MGAT4C: variants seen among roughly 807,000 people sequenced by gnomAD.
MGAT4C encodes the protein MGAT4 family member C.
In MGAT4C, 19 loss-of-function variants were observed where a neutral mutation model predicts 40.1. The observed-to-expected ratio is 0.47, with a 90% CI of 0.33 to 0.70. The LOEUF (loss-of-function observed/expected upper bound fraction) is 0.70, where lower values mean the gene tolerates loss of function less well. Among genes scored for constraint, MGAT4C ranks in the 30% least tolerant of loss-of-function variants. The pLI, the probability that MGAT4C is intolerant of heterozygous loss-of-function variation, is 0.02. For missense variants in MGAT4C, 491 were observed against 563.2 expected (o/e 0.87, Z 1.30); for synonymous variants, 181 against 187.1 (o/e 0.97, Z 0.27).
chr12:86,694,677 T>C (rs1204969296), intron 2 of MGAT4C, among the ~76,000 whole-genome samples: 2 of 152,166 alleles, frequency 1.3e-5, no homozygotes, highest in Non-Finnish European at 2.9e-5. Context: ...TCAAGGTTAT[T>C]TATACATCAG....
rs184478561 is a variant in MGAT4C, at chr12:85,960,514, A to G, written c.*18775T>C. On this transcript the variant is annotated 3_prime_UTR_variant, in exon 5 of 5. Coordinates refer to ENST00000611864, the MANE Select transcript of MGAT4C (RefSeq NM_001351288.2). The stretch of plus-strand genomic sequence containing the variant: ...TTAGCATGTGACATGCTCTCAGCAA[A>G]TCAATTAATCCTTCATTCTTTTTTT... 1 of 152,170 alleles carries G rather than the reference A, an allele frequency of 6.6e-6. No homozygotes were observed. Among genetic ancestry groups the G allele is most frequent in the African/African-American group, 2.4e-5 (1 of 41,574 alleles). The allele number at this position is 152,170 out of a possible 1,614,324, so 9.4% of individuals were successfully genotyped here. A position where few individuals can be genotyped will look rare whatever the true frequency, so the allele number is the denominator to read the frequency against.
At chr12:86,794,811 T>C (rs954280114) in intron 1 of MGAT4C, among the ~76,000 whole-genome samples, 2 of 151,852 alleles carry the variant, frequency 1.3e-5, no homozygotes, top group Non-Finnish European at 2.9e-5. Flanking sequence ...ATATGACTTA[T>C]TGATATAATA....
chr12:86,435,334 A>G (rs1298271350), intron 2 of MGAT4C: 1 of 151,934 alleles, frequency 6.6e-6, no homozygotes, highest in Non-Finnish European at 1.5e-5. Context: ...TGGCACTTGC[A>G]TGTTGAATCT....
At chr12:86,363,868 A>G (rs760935041) in intron 3 of MGAT4C, among the ~76,000 whole-genome samples, 18 of 152,042 alleles carry the variant, frequency 1.2e-4, no homozygotes, top group Non-Finnish European at 2.2e-4. Flanking sequence ...AAGAAGAAAT[A>G]TTAGGGACAA....
intron 2 of MGAT4C, among the ~76,000 whole-genome samples, chr12:86,711,556 T>C (rs555748540): frequency 7.9e-5 from 12 of 152,308 alleles, no homozygotes; most frequent in Admixed American, 7.9e-4. Context: ...GGTTTTTGGT[T>C]CTTATATTGT....
chr12:86,549,064 G>A (rs1430392012), intron 2 of MGAT4C, among the ~76,000 whole-genome samples: 1 of 152,020 alleles, frequency 6.6e-6, no homozygotes, highest in Non-Finnish European at 1.5e-5. Context: ...TTACAATATG[G>A]AAAATCCTTA....
chr12:86,819,876 C>G, intron 1 of MGAT4C, among the ~76,000 whole-genome samples: 1 of 128,702 alleles, frequency 7.8e-6, no homozygotes, highest in Non-Finnish European at 1.8e-5. Context: ...GAGGGTAATG[C>G]TTAATAAGAA....
chr12:86,311,480 A>ATT (rs11411452), intron 4 of MGAT4C, among the ~76,000 whole-genome samples: 2 of 151,762 alleles, frequency 1.3e-5, no homozygotes, highest in African/African-American at 4.8e-5. Flanking sequence ...GTCTAAACTA[A>ATT]TTTTTTTAAT....
At chr12:86,673,497 ATAAT>A (rs1220158653) in intron 2 of MGAT4C, among the ~76,000 whole-genome samples, 63 of 152,150 alleles carry the variant, frequency 4.1e-4, no homozygotes, top group African/African-American at 1.4e-3. Context: ...ACACAACCAC[ATAAT>A]TAAAGATATA....
intron 1 of MGAT4C, among the ~76,000 whole-genome samples, chr12:86,761,382 T>C (rs1388683514): frequency 2.0e-5 from 3 of 152,212 alleles, no homozygotes; most frequent in Admixed American, 6.5e-5. Context: ...AAAGACATTG[T>C]ATTTTTTCCT....
chr12:86,780,109 T>C (rs1195283598), intron 1 of MGAT4C, among the ~76,000 whole-genome samples: 1 of 152,060 alleles, frequency 6.6e-6, no homozygotes, highest in Non-Finnish European at 1.5e-5. Flanking sequence ...AAAGAACGTT[T>C]ATAATCACAT....
chr12:86,067,063 T>C (rs927772271), intron 1 of MGAT4C, among the ~76,000 whole-genome samples: 1 of 152,166 alleles, frequency 6.6e-6, no homozygotes, highest in Non-Finnish European at 1.5e-5. Context: ...AAACAATAGA[T>C]GCTGGAGAGG....
intron 2 of MGAT4C, among the ~76,000 whole-genome samples, chr12:85,999,105 C>A (rs139836139): frequency 6.6e-6 from 1 of 152,088 alleles, no homozygotes; most frequent in African/African-American, 2.4e-5. Context: ...GCAAAGAGAG[C>A]TTGTGCAGAG....
intron 1 of MGAT4C, among the ~76,000 whole-genome samples, chr12:86,837,045 A>T (rs1953051594): frequency 2.6e-5 from 4 of 152,042 alleles, no homozygotes; most frequent in Non-Finnish European, 5.9e-5. Flanking sequence ...GACATTCAGG[A>T]GTGTATGTAG....
At position 86,489,579 on chromosome 12, in the gene MGAT4C, G is replaced by C. The variant is rs151166193; in HGVS notation, c.-228-54314C>G. Among the ~76,000 whole-genome samples, 22 of 152,326 alleles carry C rather than the reference G, an allele frequency of 1.4e-4. 1 individual carries two copies. Among genetic ancestry groups the C allele is most frequent in the South Asian group, 8.3e-4 (4 of 4,828 alleles). Reference sequence around the variant, plus strand: ...ATTGTAACATGCCCTCTGGGGCATTGGGATCACAGGCACCCTGACCTGGAT... The same window carrying C: ...ATTGTAACATGCCCTCTGGGGCATTCGGATCACAGGCACCCTGACCTGGAT... On this transcript the variant is annotated intron_variant, in intron 2 of 7. Transcript: ENST00000548651.
intron 1 of MGAT4C, among the ~76,000 whole-genome samples, chr12:86,051,436 A>G (rs1892880700): frequency 6.6e-6 from 1 of 151,964 alleles, no homozygotes; most frequent in African/African-American, 2.4e-5. Flanking sequence ...TTAGTGATTT[A>G]TGAAGTTTAT....
chr12:86,628,645 T>C (rs961045250), intron 2 of MGAT4C, among the ~76,000 whole-genome samples: 2 of 152,054 alleles, frequency 1.3e-5, no homozygotes, highest in African/African-American at 2.4e-5. Flanking sequence ...ACACCCAAAC[T>C]AAGCTTCATA....
At chr12:86,297,806 A>G (rs1953716524) in intron 4 of MGAT4C, among the ~76,000 whole-genome samples, 1 of 152,202 alleles carries the variant, frequency 6.6e-6, no homozygotes, top group African/African-American at 2.4e-5. Flanking sequence ...CACACTATAA[A>G]GCCACATTAA....
intron 1 of MGAT4C, among the ~76,000 whole-genome samples, chr12:86,241,069 CA>C (rs913070541): frequency 1.3e-5 from 2 of 151,662 alleles, no homozygotes; most frequent in African/African-American, 2.4e-5. Flanking sequence ...GCATTCCAGG[CA>C]AAAAAATAAT....
Sources: gnomAD v4.1 joint callset for allele counts (sites outside exome capture counted in the v4.1 genomes callset) on GRCh38, gnomAD v4.1.1 for gene constraint, MANE v1.5 for transcripts, NCBI Gene and HGNC (gene_info 2026-07-23, HGNC 2026-07-21) for gene names.